SGCD: variants seen among roughly 807,000 people sequenced by gnomAD.
The protein encoded by SGCD is delta-sarcoglycan.
Under a neutral mutation model 36.6 loss-of-function variants are expected in SGCD, and 18 were observed. That is an observed-to-expected ratio of 0.49 (90% CI 0.34 to 0.73). The LOEUF is 0.73. Among genes scored for constraint, SGCD ranks in the 30% least tolerant of loss-of-function variants. The pLI, the probability that SGCD is intolerant of heterozygous loss-of-function variation, is 0.01. For synonymous variants in SGCD, 133 were observed against 130.6 expected, an observed-to-expected ratio of 1.02 and a Z score of -0.12; for missense variants, 387 against 346.7, an observed-to-expected ratio of 1.12 and a Z score of -0.92.
At chr5:156,648,890 G>A (rs570034429) in intron 7 of SGCD, among the ~76,000 whole-genome samples, 11 of 152,182 alleles carry the variant, frequency 7.2e-5, no homozygotes, top group Middle Eastern at 6.8e-3. Flanking sequence ...TGATGGAAGA[G>A]GTCTTTTGAG....
intron 3 of SGCD, among the ~76,000 whole-genome samples, chr5:156,269,995 T>A (rs550332578): frequency 1.6e-4 from 25 of 152,386 alleles, no homozygotes; most frequent in African/African-American, 6.0e-4. Context: ...TTCAGCATTT[T>A]AATAACTTTG....
At chr5:156,069,083 C>A (rs1240072164) in intron 1 of SGCD, among the ~76,000 whole-genome samples, 1 of 152,108 alleles carries the variant, frequency 6.6e-6, no homozygotes, top group African/African-American at 2.4e-5. Context: ...TGCCTGTTCA[C>A]TCTGATGGTA....
rs549559002 is a variant in SGCD, at chr5:156,261,533, T to C, written c.-43-68001T>C. Among the ~76,000 whole-genome samples the C allele has an allele frequency of 1.5e-4, 23 of 152,356 alleles. No individual in the cohort carries two copies. The South Asian group carries it at 2.9e-3, about 19-fold the overall frequency. Reference sequence around the variant, plus strand: ...GTGGGAATGCTGGTATGAGCAAACCTGCACTGCCATTATCTAAAAGTATGT... The same window carrying C: ...GTGGGAATGCTGGTATGAGCAAACCCGCACTGCCATTATCTAAAAGTATGT... On this transcript the variant is annotated intron_variant, in intron 3 of 9. Transcript: ENST00000517913.
chr5:156,127,984 A>G (rs948883191), intron 3 of SGCD, among the ~76,000 whole-genome samples: 4 of 152,068 alleles, frequency 2.6e-5, no homozygotes, highest in Admixed American at 2.0e-4. Flanking sequence ...AGAAGAAATA[A>G]ATACTTTAAA....
intron 3 of SGCD, among the ~76,000 whole-genome samples, chr5:156,224,260 A>G (rs1483781775): frequency 6.6e-6 from 1 of 152,030 alleles, no homozygotes; most frequent in Non-Finnish European, 1.5e-5. Flanking sequence ...TCAGACCCAG[A>G]GCCCATTCTC....
intron 1 of SGCD, among the ~76,000 whole-genome samples, chr5:155,929,452 C>G (rs1405408733): frequency 6.6e-6 from 1 of 152,184 alleles, no homozygotes; most frequent in African/African-American, 2.4e-5. Flanking sequence ...TAGTTCCCTT[C>G]CAAATTCCCA....
rs1300457180 is a variant in SGCD at position 156,594,904 on chromosome 5, T to C, written c.383-28T>C. On this transcript the variant is annotated intron_variant, in intron 5 of 8. Transcript: ENST00000337851. ...CTCTCTCTCTCTCCTCTCTCCTCTCTATCTCTCTATCTCTCTATATCTCTC... is the reference window on the plus strand; with the variant it reads ...CTCTCTCTCTCTCCTCTCTCCTCTCCATCTCTCTATCTCTCTATATCTCTC... The C allele has an allele frequency of 4.1e-6, 6 of 1,473,546 alleles. No individual in the cohort carries two copies. In the Admixed American group the frequency reaches 1.1e-4, roughly 27 times the overall value. 91.3% of individuals were successfully genotyped at this position (1,473,546 alleles called of 1,614,324 possible).
intron 3 of SGCD, among the ~76,000 whole-genome samples, chr5:156,198,368 A>G (rs1010137646): frequency 6.6e-6 from 1 of 152,128 alleles, no homozygotes; most frequent in Admixed American, 6.6e-5. Context: ...TAGTAATAAT[A>G]ATTTACCGAG....
chr5:155,888,506 G>T (rs1045232610), intron 1 of SGCD, among the ~76,000 whole-genome samples: 2 of 152,198 alleles, frequency 1.3e-5, no homozygotes, highest in African/African-American at 4.8e-5. Flanking sequence ...AGGGAATAGG[G>T]ACGCAAAGAA....
At chr5:156,144,613 G>A (rs1762668057) in intron 3 of SGCD, among the ~76,000 whole-genome samples, 1 of 152,184 alleles carries the variant, frequency 6.6e-6, no homozygotes, top group African/African-American at 2.4e-5. Context: ...ATTTGTTTGT[G>A]TTCATCGTGG....
rs1041374757 is a variant in SGCD at position 155,967,572 on chromosome 5, C to T, written c.-282+97148C>T. ...CAAGTATGGTTTCTCCCCCAAGCCA[C>T]CACATTTAAATGTGAAGAAAGTAAA... is the stretch of plus-strand genomic sequence containing the variant. On this transcript the variant is annotated intron_variant, in intron 1 of 9. Transcript: ENST00000517913. Among the ~76,000 whole-genome samples the T allele has an allele frequency of 2.6e-5, 4 of 152,156 alleles. No individual in the cohort carries two copies. In the East Asian group the frequency reaches 7.8e-4, roughly 30 times the overall value.
At chr5:155,842,246 GTTTTTTTT>G in the SGCD span, among the ~76,000 whole-genome samples, 1 of 129,054 alleles carries the variant, frequency 7.7e-6, no homozygotes, top group Non-Finnish European at 1.6e-5. Context: ...CATTTGAGGT[GTTTTTTTT>G]TTTTTTTTTT....
chr5:155,888,778 G>A (rs554577960), intron 1 of SGCD, among the ~76,000 whole-genome samples: 1 of 152,316 alleles, frequency 6.6e-6, no homozygotes, highest in African/African-American at 2.4e-5. Context: ...GAAGGTCAGA[G>A]TGACCTTCCT....
intron 7 of SGCD, among the ~76,000 whole-genome samples, chr5:156,748,816 G>A (rs1327583154): frequency 6.6e-6 from 1 of 151,960 alleles, no homozygotes; most frequent in Non-Finnish European, 1.5e-5. Context: ...TTTTTGAGAT[G>A]GAGTCTCGCT....
intron 3 of SGCD, among the ~76,000 whole-genome samples, chr5:156,172,842 G>A (rs999243890): frequency 2.9e-5 from 4 of 139,278 alleles, no homozygotes; most frequent in South Asian, 2.4e-4. Context: ...GCATGTATTC[G>A]TGTAATTTGT....
At chr5:156,353,346 G>A (rs1769345357) in intron 3 of SGCD, among the ~76,000 whole-genome samples, 1 of 152,190 alleles carries the variant, frequency 6.6e-6, no homozygotes, top group African/African-American at 2.4e-5. Flanking sequence ...TATTAAGGTA[G>A]ATCATAAATG....
intron 3 of SGCD, among the ~76,000 whole-genome samples, chr5:156,236,189 T>C (rs1385401751): frequency 1.3e-5 from 2 of 151,362 alleles, no homozygotes; most frequent in African/African-American, 4.9e-5. Flanking sequence ...GGTTAAATCA[T>C]TTTTTTTTCT....
At chr5:156,712,478 A>C (rs901824306) in intron 7 of SGCD, among the ~76,000 whole-genome samples, 1 of 152,352 alleles carries the variant, frequency 6.6e-6, no homozygotes, top group South Asian at 2.1e-4. Flanking sequence ...TTTCCATTTA[A>C]CTATACCAAT....
chr5:155,759,717 G>A, the SGCD span, among the ~76,000 whole-genome samples: 3 of 152,174 alleles, frequency 2.0e-5, no homozygotes, highest in Non-Finnish European at 2.9e-5. Flanking sequence ...TTATTGATTA[G>A]TAAAGTGCTA....
Sources: gnomAD v4.1 joint callset for allele counts (sites outside exome capture counted in the v4.1 genomes callset) on GRCh38, gnomAD v4.1.1 for gene constraint, MANE v1.5 for transcripts, NCBI Gene and HGNC (gene_info 2026-07-23, HGNC 2026-07-21) for gene names.